TMF1: variants seen among roughly 807,000 people sequenced by gnomAD.
The protein encoded by TMF1 is TATA element modulatory factor 1.
Under a neutral mutation model 126.5 loss-of-function variants are expected in TMF1, and 71 were observed. That is an observed-to-expected ratio of 0.56 (90% CI 0.46 to 0.68). The LOEUF (loss-of-function observed/expected upper bound fraction) is 0.68, where lower values mean the gene tolerates loss of function less well. Among genes scored for constraint, TMF1 ranks in the 30% least tolerant of loss-of-function variants. TMF1 has a pLI of 0.00. For missense variants in TMF1, 1,259 were observed against 1,253.2 expected (o/e 1.00, Z -0.07); for synonymous variants, 461 against 430.5 (o/e 1.07, Z -0.88).
chr3:69,048,416 A>G lies in TMF1; in HGVS notation c.289T>C (p.Phe97Leu). Residue 97 changes from phenylalanine to leucine, a missense_variant, in exon 2 of 17, where the codon TTC becomes CTC. By Grantham distance (22) the Phe-to-Leu change is conservative. Coordinates refer to ENST00000398559, the MANE Select transcript of TMF1 (RefSeq NM_007114.3). ...RTVVDESENF[F>L]SAFLSPTDVQ... is the part of the protein sequence containing the mutation. ...TCAGTTGGCGAGAGAAAGGCACTGAAGAAATTTTCAGATTCATCGACCACA... is the reference window on the plus strand; with the variant it reads ...TCAGTTGGCGAGAGAAAGGCACTGAGGAAATTTTCAGATTCATCGACCACA... The G allele has an allele frequency of 6.2e-7, 1 of 1,614,196 alleles. No individual in the cohort carries two copies. Among genetic ancestry groups the G allele is most frequent in the Non-Finnish European group, 8.5e-7 (1 of 1,180,038 alleles).
At chr3:69,027,360 C>T (rs2091774174) in intron 13 of TMF1, among the ~76,000 whole-genome samples, 1 of 152,098 alleles carries the variant, frequency 6.6e-6, no homozygotes, top group Non-Finnish European at 1.5e-5. Flanking sequence ...AGACTTACTC[C>T]TTAAGTGCCT....
At chr3:69,049,585 C>T (rs2091914826) in intron 1 of TMF1, among the ~76,000 whole-genome samples, 2 of 152,122 alleles carry the variant, frequency 1.3e-5, no homozygotes, top group Non-Finnish European at 2.9e-5. Context: ...TCAGAAATTA[C>T]AAGGTCATTA....
In TMF1 at chr3:69,045,972, C is replaced by G. The variant is rs538860753; in HGVS notation, c.1348-1377G>C. On this transcript the variant is annotated intron_variant, in intron 2 of 16. Coordinates refer to ENST00000398559, the MANE Select transcript of TMF1 (RefSeq NM_007114.3). ...TAGAGCGGATTAGGTGGGAGGACTG[C>G]TTGAGCCCAGGAGGTCAAGGCTGCC... Among the ~76,000 whole-genome samples, 24 of 152,052 alleles carry G rather than the reference C, an allele frequency of 1.6e-4. No individual in the cohort carries two copies. In the South Asian group the frequency reaches 5.0e-3, roughly 32 times the overall value.
chr3:69,042,479 C>T, intron 5 of TMF1: 8 of 488,198 alleles, frequency 1.6e-5, no homozygotes, highest in South Asian at 7.8e-5. Flanking sequence ...TTACATAAAT[C>T]CCAGAGTTAC....
chr3:69,034,701 T>C (rs2091823052), intron 9 of TMF1, among the ~76,000 whole-genome samples: 1 of 152,184 alleles, frequency 6.6e-6, no homozygotes, highest in South Asian at 2.1e-4. Flanking sequence ...AACAGAGGCA[T>C]AGAAACCGGG....
At chr3:69,025,835 C>A (rs1030568719) in intron 14 of TMF1, 123 bp from the exon 15 acceptor site, 2 of 1,225,792 alleles carry the variant, frequency 1.6e-6, no homozygotes, top group African/African-American at 1.5e-5. Context: ...GGCAGAAAAT[C>A]ATTCACGTGT....
intron 11 of TMF1, among the ~76,000 whole-genome samples, chr3:69,029,454 T>A (rs1003202541): frequency 1.3e-5 from 2 of 152,042 alleles, no homozygotes; most frequent in African/African-American, 4.8e-5. Flanking sequence ...AATTTATTTT[T>A]TTTTTTTTGA....
Position 69,026,014 on chromosome 3 carries a change from C to A in TMF1, c.2841G>T (p.Gln947His), listed in dbSNP as rs765260812. The A allele has an allele frequency of 6.2e-7, 1 of 1,613,464 alleles. No homozygotes were observed. Among genetic ancestry groups the A allele is most frequent in the South Asian group, 1.1e-5 (1 of 91,036 alleles). The change falls in exon 14 of 17, where the codon CAG (glutamine) becomes CAT (histidine). Residue 947 changes from glutamine (Q) to histidine (H), a missense_variant. Transcript: ENST00000398559. ...ACATCACCTGAGACAGAAAAGATGT[C>A]TGTAGTCCTGCCATATCAACACCAC... The part of the protein sequence containing the change: ...SISGVDMAGL[Q>H]TSFLSQDESH...
Position 69,044,606 on chromosome 3 carries a change from C to T in TMF1, c.1348-11G>A, listed in dbSNP as rs368670523. The T allele has an allele frequency of 2.0e-5, 32 of 1,567,860 alleles. 1 individual carries two copies. The highest frequency in any genetic ancestry group is 1.8e-4 in the East Asian group (8 of 44,438). On this transcript the variant is annotated splice_polypyrimidine_tract_variant and intron_variant, in intron 2 of 16. Coordinates refer to ENST00000398559, the MANE Select transcript of TMF1 (RefSeq NM_007114.3). ...CAGAAATTCAACTGTCTGGATAAGG[C>T]GAATACATAAAAGTCAGAACGCTTA...
intron 8 of TMF1, among the ~76,000 whole-genome samples, chr3:69,037,477 T>C (rs1249479574): frequency 2.7e-5 from 4 of 149,290 alleles, no homozygotes; most frequent in Non-Finnish European, 4.5e-5. Flanking sequence ...TCGTCTCTAC[T>C]AAAAAAAAAC....
chr3:69,030,881 C>G (rs1392032161), intron 10 of TMF1, among the ~76,000 whole-genome samples: 1 of 152,178 alleles, frequency 6.6e-6, no homozygotes, highest in African/African-American at 2.4e-5. Flanking sequence ...CATGACCTGG[C>G]AATTGCACAC....
At chr3:69,039,489 G>A (rs975906049) in intron 6 of TMF1, 62 bp downstream of exon 6, 15 of 1,530,970 alleles carry the variant, frequency 9.8e-6, no homozygotes, top group Non-Finnish European at 1.3e-5. Flanking sequence ...CATAACCATG[G>A]CCAACTGTTC....
chr3:69,050,259 CAA>C (rs561794015), intron 1 of TMF1, among the ~76,000 whole-genome samples: 41 of 71,708 alleles, frequency 5.7e-4, no homozygotes, highest in African/African-American at 1.9e-3. Context: ...GACTGTGTCT[CAA>C]AAAAAAAAAA....
chr3:69,044,768 G>C, intron 2 of TMF1, 173 bp from the exon 3 acceptor site: 1 of 474,010 alleles, frequency 2.1e-6, no homozygotes, highest in Non-Finnish European at 3.7e-6. Context: ...CAGCTGAGAG[G>C]AGAGTAAAAG....
chr3:69,028,859 T>A (rs2091783746), intron 11 of TMF1, among the ~76,000 whole-genome samples: 1 of 151,976 alleles, frequency 6.6e-6, no homozygotes, highest in African/African-American at 2.4e-5. Flanking sequence ...TAAAAGTAAC[T>A]CCAAAGAGTA....
rs759184531 is a variant in TMF1, at chr3:69,039,537, T to C, written c.1827+14A>G. On this transcript the variant is annotated intron_variant, in intron 6 of 16. Coordinates refer to ENST00000398559, the MANE Select transcript of TMF1 (RefSeq NM_007114.3). ...ATAACAATATATATGTAGAGAATTA[T>C]GATTGCTATTCACCTGTTTCAAATG... 5.0e-6 allele frequency: 8 copies of C among 1,606,638 alleles called. No homozygotes were observed. The East Asian group carries it at 1.1e-4, about 22-fold the overall frequency.
At chr3:69,042,086 C>G (rs12054469) in intron 5 of TMF1, among the ~76,000 whole-genome samples, 41,672 of 151,914 alleles carry the variant, frequency 0.27, 5,877 homozygotes, top group East Asian at 0.44. Context: ...GCCCAGGCTG[C>G]AGTACAGTGG....
chr3:69,034,652 T>G (rs1307728405), intron 9 of TMF1, among the ~76,000 whole-genome samples: 1 of 152,188 alleles, frequency 6.6e-6, no homozygotes. Flanking sequence ...TTGTATTTTC[T>G]CTCCCTTTTC....
intron 13 of TMF1, among the ~76,000 whole-genome samples, chr3:69,027,384 T>C (rs2091774319): frequency 6.6e-6 from 1 of 152,200 alleles, no homozygotes; most frequent in South Asian, 2.1e-4. Context: ...GACCAAATGA[T>C]GTGCACTGGT....
Sources: gnomAD v4.1 joint callset for allele counts (sites outside exome capture counted in the v4.1 genomes callset) on GRCh38, gnomAD v4.1.1 for gene constraint, MANE v1.5 for transcripts, NCBI Gene and HGNC (gene_info 2026-07-23, HGNC 2026-07-21) for gene names.